Variants in CDH23 observed in about 807,000 individuals in gnomAD.
CDH23 encodes the protein cadherin-23.
A neutral mutation model predicts 317.1 loss-of-function variants in CDH23; 189 were observed. The ratio of observed to expected loss-of-function variants is 0.60; its 90% CI spans 0.53 to 0.67. CDH23 has a LOEUF of 0.67. Among genes scored for constraint, CDH23 ranks in the 30% least tolerant of loss-of-function variants. CDH23 has a pLI of 0.00. For synonymous variants in CDH23, 1,839 were observed against 1,876.8 expected (o/e 0.98, Z 0.52); for missense variants, 4,401 against 4,592.4 (o/e 0.96, Z 1.20).
chr10:71,678,735 C>A (rs1294841167), intron 16 of CDH23, among the ~76,000 whole-genome samples: 1 of 152,210 alleles, frequency 6.6e-6, no homozygotes, highest in Non-Finnish European at 1.5e-5. Flanking sequence ...ATTAATTCAG[C>A]TCCCAGAGAA....
intron 24 of CDH23, among the ~76,000 whole-genome samples, chr10:71,704,287 G>A (rs78377202): frequency 6.6e-6 from 1 of 152,110 alleles, no homozygotes; most frequent in Admixed American, 6.6e-5. Context: ...AACATTCAGG[G>A]TACCAGGGTC....
At chr10:71,424,749 G>A (rs1246944094) in intron 1 of CDH23, among the ~76,000 whole-genome samples, 3 of 152,242 alleles carry the variant, frequency 2.0e-5, no homozygotes, top group African/African-American at 7.2e-5. Context: ...GGGGAAGCCT[G>A]CAGCATAGAC....
intron 6 of CDH23, among the ~76,000 whole-genome samples, chr10:71,526,317 C>T (rs542753398): frequency 1.3e-5 from 2 of 152,370 alleles, no homozygotes; most frequent in African/African-American, 4.8e-5. Flanking sequence ...GCATCCAGCG[C>T]TCACCTGTGG....
In CDH23 at chr10:71,806,193, G is replaced by A. The variant is rs765388872; in HGVS notation, c.8090G>A (p.Gly2697Asp). 2 of 1,568,626 alleles carry A rather than the reference G, an allele frequency of 1.3e-6. No homozygotes were observed. The highest frequency in any genetic ancestry group is 8.6e-7 in the Non-Finnish European group (1 of 1,158,014). The change falls in exon 57 of 70, where the codon GGC becomes GAC. Residue 2697 changes from glycine to aspartate, a missense_variant. By Grantham distance (94) the Gly-to-Asp change is moderately conservative. Coordinates refer to ENST00000224721, the MANE Select transcript of CDH23 (RefSeq NM_022124.6). ...CTCATCTTGGTGGCCAGCGACCTGG[G>A]CCAGCCAGTGCCATACGAGACTATG... ...YSLILVASDLGQPVPYETMQP... is the reference protein window; with the variant it reads ...YSLILVASDLDQPVPYETMQP...
chr10:71,426,480 C>T (rs986716644), intron 1 of CDH23, among the ~76,000 whole-genome samples: 1 of 152,026 alleles, frequency 6.6e-6, no homozygotes, highest in African/African-American at 2.4e-5. Flanking sequence ...TGGCTCACCA[C>T]GGGAGATGGA....
intron 47 of CDH23, 55 bp from the exon 48 acceptor site, chr10:71,793,127 G>A (rs12356671): frequency 1.5e-6 from 2 of 1,355,292 alleles, no homozygotes; most frequent in Non-Finnish European, 1.0e-6. Flanking sequence ...TGTCTTGGTA[G>A]ATCTTTCTGG....
chr10:71,763,701 T>C (rs1215188312), intron 38 of CDH23, among the ~76,000 whole-genome samples: 3 of 152,128 alleles, frequency 2.0e-5, no homozygotes, highest in Non-Finnish European at 4.4e-5. Context: ...GAGGCAACGG[T>C]TAGTAATAAT....
rs1564779396 is a variant in CDH23 at position 71,759,938 on chromosome 10, CACACACACATATATAT to C, written c.4846-17716_4846-17701del. Among the ~76,000 whole-genome samples the C allele has an allele frequency of 3.6e-4, 39 of 108,360 alleles. 4 individuals are homozygous for C. The highest frequency in any genetic ancestry group is 4.2e-4 in the African/African-American group (12 of 28,456). The allele number at this position is 108,360 out of a possible 152,430, so 71.1% of individuals were successfully genotyped here. On this transcript the variant is annotated intron_variant, in intron 38 of 69. Transcript: ENST00000224721. ...ACATATATACACACACACATATATA[CACACACACATATATAT>C]ACACACACATATATATACACACACA...
At chr10:71,400,487 A>C (rs1301853657) in intron 1 of CDH23, among the ~76,000 whole-genome samples, 2 of 151,966 alleles carry the variant, frequency 1.3e-5, no homozygotes, top group Non-Finnish European at 2.9e-5. Context: ...CATCGATTTG[A>C]AAATCAGTGA....
In CDH23 at chr10:71,554,554, T is replaced by C. The variant is rs534292188; in HGVS notation, c.430-12188T>C. Among the ~76,000 whole-genome samples, 7 of 152,286 alleles carry C rather than the reference T, an allele frequency of 4.6e-5. No individual in the cohort carries two copies. The South Asian group carries it at 1.5e-3, about 32-fold the overall frequency. On this transcript the variant is annotated intron_variant, in intron 6 of 69. Coordinates refer to ENST00000224721, the MANE Select transcript of CDH23 (RefSeq NM_022124.6). ...AGAATCTACCAAGTCTCAAGGTTAC[T>C]GTATGCCTCCAGCCCCTGCAGCCCT...
At chr10:71,494,306 TA>T (rs1219950293) in intron 3 of CDH23, among the ~76,000 whole-genome samples, 1 of 152,176 alleles carries the variant, frequency 6.6e-6, no homozygotes, top group African/African-American at 2.4e-5. Flanking sequence ...CCTTTGGGGC[TA>T]ATTTCCTGCT....
rs148189018 is a variant in CDH23, at chr10:71,696,645, C to T, written c.2397+1120C>T. 3.3e-3 allele frequency among the ~76,000 whole-genome samples: 499 copies of T among 152,344 alleles called. 2 individuals carry two copies. The highest frequency in any genetic ancestry group is 0.011 in the African/African-American group (442 of 41,570). ...AATGTGGAAAGGAAGATAGGCATGACGGCCAATCCTTCCCTCCCTCTTTGT... is the reference window on the plus strand; with the variant it reads ...AATGTGGAAAGGAAGATAGGCATGATGGCCAATCCTTCCCTCCCTCTTTGT... On this transcript the variant is annotated intron_variant, in intron 22 of 69. Coordinates refer to ENST00000224721, the MANE Select transcript of CDH23 (RefSeq NM_022124.6).
At chr10:71,621,359 A>C (rs1861457668) in intron 11 of CDH23, among the ~76,000 whole-genome samples, 1 of 152,164 alleles carries the variant, frequency 6.6e-6, no homozygotes, top group African/African-American at 2.4e-5. Flanking sequence ...CGTGACTCTC[A>C]CATGCCCACG....
intron 9 of CDH23, among the ~76,000 whole-genome samples, chr10:71,602,726 C>T (rs1860301973): frequency 6.6e-6 from 1 of 152,206 alleles, no homozygotes; most frequent in African/African-American, 2.4e-5. Flanking sequence ...CCACCTGCCC[C>T]AGGCACCCAG....
intron 44 of CDH23, among the ~76,000 whole-genome samples, chr10:71,787,091 G>A (rs35841269): frequency 0.2 from 30,768 of 152,038 alleles, 3,229 homozygotes; most frequent in African/African-American, 0.25. Context: ...ATGAACTCCA[G>A]CCAGGGCAAC....
Position 71,807,704 on chromosome 10 carries a change from C to T in CDH23, c.8497C>T (p.Arg2833Cys), listed in dbSNP as rs760130862. Residue 2833 changes from arginine to cysteine, a missense_variant, in exon 59 of 70, where the codon CGC becomes TGC. Arg to Cys is a radical substitution (Grantham distance 180, BLOSUM62 -3). Around this residue, in one of 3 missense-constraint regions of CDH23, gnomAD observed 1,144 missense variants for 1,138.2 expected, o/e 1.01. Coordinates refer to ENST00000224721, the MANE Select transcript of CDH23 (RefSeq NM_022124.6). ...TGCTGACCTCACACTGCAGGAGGTG[C>T]GCGTTGTGCTAGAGGACATCAACGA... ...LVADLTLQEV[R>C]VVLEDINDQP... The T allele has an allele frequency of 1.9e-5, 30 of 1,612,318 alleles. No individual in the cohort carries two copies. Among genetic ancestry groups the T allele is most frequent in the Middle Eastern group, 1.6e-4 (1 of 6,084 alleles).
chr10:71,487,466 A>G (rs965993804), intron 3 of CDH23, among the ~76,000 whole-genome samples: 2 of 152,228 alleles, frequency 1.3e-5, no homozygotes, highest in African/African-American at 2.4e-5. Flanking sequence ...GTCTCTAGAA[A>G]GAGACATAAG....
At chr10:71,664,540 G>GA (rs1209015279) in intron 14 of CDH23, among the ~76,000 whole-genome samples, 2 of 152,204 alleles carry the variant, frequency 1.3e-5, no homozygotes, top group Non-Finnish European at 2.9e-5. Flanking sequence ...GCTGGCCTGG[G>GA]AGGAGGCTCA....
chr10:71,808,701 G>A (rs978051726), intron 60 of CDH23, among the ~76,000 whole-genome samples: 59 of 151,702 alleles, frequency 3.9e-4, no homozygotes, highest in South Asian at 8.3e-4. Flanking sequence ...TGTATGCCTC[G>A]TCTGTGGCCT....
Sources: gnomAD v4.1 joint callset for allele counts (sites outside exome capture counted in the v4.1 genomes callset) on GRCh38, gnomAD v4.1.1 for gene constraint, gnomAD v4.1.1 regional missense constraint, MANE v1.5 for transcripts, NCBI Gene and HGNC (gene_info 2026-07-23, HGNC 2026-07-21) for gene names.